WWOX: variants seen among roughly 807,000 people sequenced by gnomAD.
WWOX encodes WW domain containing oxidoreductase.
WWOX carries 69 observed loss-of-function variants against 46.2 expected under a neutral mutation model. That is an observed-to-expected ratio of 1.49 (90% confidence interval 1.23 to 1.82). The LOEUF (loss-of-function observed/expected upper bound fraction) is 1.82. Ranked by LOEUF, WWOX falls within the 40% of genes most tolerant of loss-of-function variation. The pLI is 0.00. For synonymous variants in WWOX, 359 were observed against 202.6 expected (o/e 1.77, Z -6.56); for missense variants, 919 against 542.6 (o/e 1.69, Z -6.89).
intron 8 of WWOX, among the ~76,000 whole-genome samples, chr16:78,547,527 C>T (rs1011889175): frequency 1.3e-5 from 2 of 152,168 alleles, no homozygotes; most frequent in Non-Finnish European, 2.9e-5. Context: ...TTCATTAGGC[C>T]ATCCAGAAAG....
intron 6 of WWOX, among the ~76,000 whole-genome samples, chr16:78,396,224 T>A (rs539490695): frequency 2.0e-4 from 31 of 152,272 alleles, no homozygotes; most frequent in Middle Eastern, 6.8e-3. Flanking sequence ...CTTTTTATGA[T>A]GCCAACCTTC....
chr16:78,736,146 G>A (rs1052497350), intron 8 of WWOX, among the ~76,000 whole-genome samples: 23 of 152,222 alleles, frequency 1.5e-4, no homozygotes, highest in African/African-American at 5.5e-4. Flanking sequence ...AGACAGAAGT[G>A]AAGAGAAGAT....
intron 8 of WWOX, among the ~76,000 whole-genome samples, chr16:78,998,782 G>A (rs1341471019): frequency 6.6e-6 from 1 of 152,336 alleles, no homozygotes; most frequent in East Asian, 1.9e-4. Flanking sequence ...CTTCTTGAAA[G>A]TGCCAGTCTG....
At chr16:78,588,981 T>C (rs997180146) in intron 8 of WWOX, among the ~76,000 whole-genome samples, 3 of 152,202 alleles carry the variant, frequency 2.0e-5, no homozygotes, top group African/African-American at 7.2e-5. Flanking sequence ...CAAAGCCTCT[T>C]GCTGGGAATG....
chr16:78,360,070 C>T (rs1419739375), intron 5 of WWOX, among the ~76,000 whole-genome samples: 1 of 152,106 alleles, frequency 6.6e-6, no homozygotes, highest in Admixed American at 6.5e-5. Flanking sequence ...CCAATTTAAG[C>T]TTGTCAAAAA....
chr16:78,612,003 T>C (rs987173076), intron 8 of WWOX, among the ~76,000 whole-genome samples: 3 of 152,192 alleles, frequency 2.0e-5, no homozygotes, highest in African/African-American at 7.2e-5. Flanking sequence ...GAAGATTCAA[T>C]AGGCATTGGC....
At chr16:79,199,622 A>C (rs2051308000) in intron 8 of WWOX, among the ~76,000 whole-genome samples, 1 of 152,146 alleles carries the variant, frequency 6.6e-6, no homozygotes, top group Non-Finnish European at 1.5e-5. Context: ...AAAATTCTCC[A>C]CCTTGCCACC....
At chr16:78,149,069 G>A (rs2034308618) in intron 4 of WWOX, among the ~76,000 whole-genome samples, 1 of 152,062 alleles carries the variant, frequency 6.6e-6, no homozygotes, top group African/African-American at 2.4e-5. Flanking sequence ...GTAGCTCACT[G>A]TAACCTCGAA....
chr16:78,444,168 T>C (rs570358146), intron 8 of WWOX, among the ~76,000 whole-genome samples: 4 of 152,212 alleles, frequency 2.6e-5, no homozygotes, highest in African/African-American at 4.8e-5. Flanking sequence ...GCTGAGCACA[T>C]GTTCCCAGCT....
At chr16:78,430,449 AG>A (rs1316817469) in intron 7 of WWOX, among the ~76,000 whole-genome samples, 2 of 152,170 alleles carry the variant, frequency 1.3e-5, no homozygotes, top group Admixed American at 1.3e-4. Context: ...GGATGTTTCT[AG>A]GCTCAGATAA....
intron 8 of WWOX, among the ~76,000 whole-genome samples, chr16:78,940,947 C>A (rs1220612880): frequency 6.6e-6 from 1 of 151,898 alleles, no homozygotes; most frequent in Admixed American, 6.6e-5. Flanking sequence ...TTCTGCCCCC[C>A]CACCCCATCC....
rs146008743 is a variant in WWOX, at chr16:79,083,255, C to T, written c.1057-128353C>T. On this transcript the variant is annotated intron_variant, in intron 8 of 8. Coordinates refer to ENST00000566780, the MANE Select transcript of WWOX (RefSeq NM_016373.4). ...TGCCATTGCCATGTGATTTGCTTTG[C>T]CTAATGAAATGTGAGTGACACTTCC... 1.3e-3 allele frequency among the ~76,000 whole-genome samples: 203 copies of T among 152,188 alleles called. 1 individual carries two copies. Among genetic ancestry groups the T allele is most frequent in the African/African-American group, 4.7e-3 (197 of 41,522 alleles).
chr16:78,896,456 G>T (rs191213415), intron 8 of WWOX: 36 of 152,258 alleles, frequency 2.4e-4, no homozygotes, highest in African/African-American at 7.5e-4. Context: ...CCGCAAACTT[G>T]TGAGGCCAGC....
At chr16:78,607,193 C>T (rs902364119) in intron 8 of WWOX, among the ~76,000 whole-genome samples, 4 of 152,016 alleles carry the variant, frequency 2.6e-5, no homozygotes, top group African/African-American at 4.8e-5. Context: ...TAATAAAATA[C>T]TTCATATTTT....
chr16:78,824,027 G>C (rs945477932), intron 8 of WWOX, among the ~76,000 whole-genome samples: 4 of 152,026 alleles, frequency 2.6e-5, no homozygotes, highest in African/African-American at 9.7e-5. Context: ...CTCCTGCCTT[G>C]ATAGACGTGT....
At chr16:78,929,904 G>C (rs187054251) in intron 8 of WWOX, among the ~76,000 whole-genome samples, 11 of 152,238 alleles carry the variant, frequency 7.2e-5, no homozygotes, top group South Asian at 2.1e-4. Flanking sequence ...CTTAGAAGCA[G>C]AATTTTCTAA....
chr16:78,546,800 A>T (rs543450357), intron 8 of WWOX, among the ~76,000 whole-genome samples: 1 of 152,270 alleles, frequency 6.6e-6, no homozygotes, highest in South Asian at 2.1e-4. Flanking sequence ...GAGAGAGCCT[A>T]GAAAACCTGG....
chr16:78,514,968 C>A (rs1299298245), intron 8 of WWOX, among the ~76,000 whole-genome samples: 1 of 152,008 alleles, frequency 6.6e-6, no homozygotes, highest in African/African-American at 2.4e-5. Context: ...GGCTATAATC[C>A]CAGCACTTGG....
chr16:78,113,374 C>T (rs2032603342), intron 3 of WWOX, among the ~76,000 whole-genome samples: 1 of 152,236 alleles, frequency 6.6e-6, no homozygotes, highest in Non-Finnish European at 1.5e-5. Context: ...CATATGGTTT[C>T]TGTTGCAATG....
Sources: gnomAD v4.1 joint callset for allele counts (sites outside exome capture counted in the v4.1 genomes callset) on GRCh38, gnomAD v4.1.1 for gene constraint, MANE v1.5 for transcripts, NCBI Gene and HGNC (gene_info 2026-07-23, HGNC 2026-07-21) for gene names.